Variants in PLA2G4F observed in about 807,000 individuals in gnomAD.
PLA2G4F encodes the protein cytosolic phospholipase A2 zeta.
A neutral mutation model predicts 103.1 loss-of-function variants in PLA2G4F; 105 were observed. The ratio of observed to expected loss-of-function variants is 1.02; its 90% confidence interval spans 0.87 to 1.20. PLA2G4F has a LOEUF of 1.20. Ranked by LOEUF, PLA2G4F falls within the 50% of genes most tolerant of loss-of-function variation. The pLI is 0.00. For synonymous variants in PLA2G4F, 468 were observed against 441.1 expected, an observed-to-expected ratio of 1.06 and a Z score of -0.76; for missense variants, 1,155 against 1,075.9, an observed-to-expected ratio of 1.07 and a Z score of -1.03.
rs1165711998 is a variant in PLA2G4F at position 42,147,771 on chromosome 15, A to G, written c.1060-9T>C. ...ACAGCCACTACAGGCACCTGGGTAC[A>G]ATAATAACAAGGATAACGACTCCGA... On this transcript the variant is annotated splice_polypyrimidine_tract_variant and intron_variant, in intron 11 of 19. Transcript: ENST00000397272. 2 of 1,613,530 alleles carry G rather than the reference A, an allele frequency of 1.2e-6. No individual in the cohort carries two copies. Among genetic ancestry groups the G allele is most frequent in the Non-Finnish European group, 1.7e-6 (2 of 1,179,682 alleles).
chr15:42,147,318 C>T lies in PLA2G4F; in HGVS notation c.1225G>A (p.Ala409Thr), dbSNP rs777582760. Reference protein sequence around the residue: ...WCISTLYRDPAWSQVALQGPI... With the variant: ...WCISTLYRDPTWSQVALQGPI... Reference sequence around the variant, plus strand: ...CCCTGCAAGGCCACCTGGGACCAGGCTGGGTCCCTGTAGAGTGTGGAGATG... The same window carrying T: ...CCCTGCAAGGCCACCTGGGACCAGGTTGGGTCCCTGTAGAGTGTGGAGATG... The change falls in exon 13 of 20, where the codon GCC becomes ACC. Residue 409 changes from alanine (A) to threonine (T), a missense_variant. Physicochemically the swap from Ala to Thr is moderately conservative, Grantham distance 58. Coordinates refer to ENST00000397272, the MANE Select transcript of PLA2G4F (RefSeq NM_213600.4). The T allele has an allele frequency of 2.5e-6, 4 of 1,608,900 alleles. No homozygotes were observed. The highest frequency in any genetic ancestry group is 1.3e-5 in the African/African-American group (1 of 74,834).
chr15:42,147,570 A>T (rs2048906678), intron 12 of PLA2G4F, 56 bp downstream of exon 12: 2 of 1,580,588 alleles, frequency 1.3e-6, no homozygotes, highest in Admixed American at 3.4e-5. Flanking sequence ...ACCAGGTCAC[A>T]ACCCCACACT....
intron 7 of PLA2G4F, chr15:42,151,035 G>A (rs2048956090): frequency 1.0e-6 from 1 of 985,334 alleles, no homozygotes; most frequent in Admixed American, 6.1e-5. Flanking sequence ...GGAAGGCAGG[G>A]AGCGGGGAGG....
At chr15:42,149,411 C>A (rs987348419) in intron 11 of PLA2G4F, 2 of 868,454 alleles carry the variant, frequency 2.3e-6, no homozygotes, top group African/African-American at 1.9e-5. Flanking sequence ...CAGAAACCAA[C>A]CCTGATGATG....
chr15:42,149,223 C>T (rs2048926865), intron 11 of PLA2G4F: 33 of 935,976 alleles, frequency 3.5e-5, no homozygotes, highest in Non-Finnish European at 4.1e-5. Flanking sequence ...GGAAACAGGG[C>T]CTACAAGGAG....
intron 1 of PLA2G4F, 80 bp from the exon 2 acceptor site, chr15:42,155,669 T>C: frequency 2.1e-6 from 3 of 1,424,112 alleles, no homozygotes; most frequent in Non-Finnish European, 3.0e-6. Flanking sequence ...CGTCCCATCA[T>C]GGAGCAGCAA....
intron 13 of PLA2G4F, chr15:42,146,688 TGCAGCTGGGTCTGAAGTTCCAGGA>T (rs1566878944): frequency 9.1e-6 from 2 of 219,096 alleles, no homozygotes; most frequent in Admixed American, 5.2e-5. Flanking sequence ...CGCCTGGAAC[TGCAGCTGGGTCTGAAGTTCCAGGA>T]GCAGCCAGGC....
chr15:42,156,324 C>G (rs1465599989), intron 1 of PLA2G4F, 115 bp downstream of exon 1: 17 of 729,010 alleles, frequency 2.3e-5, no homozygotes, highest in African/African-American at 3.7e-5. Context: ...CTAGAATAAA[C>G]AGGTCCCACC....
rs1379695996 is a variant in PLA2G4F at position 42,141,618 on chromosome 15, C to G, written c.*366G>C. Reference sequence around the variant, plus strand: ...GCTGGCTTCTCAGTGCCCTCAGCCCCTGTTCTGTGTGGGTCTGAGGACTTG... The same window carrying G: ...GCTGGCTTCTCAGTGCCCTCAGCCCGTGTTCTGTGTGGGTCTGAGGACTTG... On this transcript the variant is annotated 3_prime_UTR_variant, in exon 20 of 20. Coordinates refer to ENST00000397272, the MANE Select transcript of PLA2G4F (RefSeq NM_213600.4). The G allele has an allele frequency of 2.1e-6, 1 of 478,080 alleles. No homozygotes were observed. Among genetic ancestry groups the G allele is most frequent in the East Asian group, 6.4e-5 (1 of 15,668 alleles). The allele number at this position is 478,080 out of a possible 1,614,324, so 29.6% of individuals were successfully genotyped here.
In PLA2G4F at chr15:42,147,765, G is replaced by A; in HGVS notation, c.1060-3C>T. The A allele has an allele frequency of 1.2e-6, 2 of 1,613,726 alleles. No individual in the cohort carries two copies. Among genetic ancestry groups the A allele is most frequent in the Non-Finnish European group, 1.7e-6 (2 of 1,179,832 alleles). ...CCCAACACAGCCACTACAGGCACCTGGGTACAATAATAACAAGGATAACGA... is the reference window on the plus strand; with the variant it reads ...CCCAACACAGCCACTACAGGCACCTAGGTACAATAATAACAAGGATAACGA... On this transcript the variant is annotated splice_region_variant and splice_polypyrimidine_tract_variant and intron_variant, in intron 11 of 19. Coordinates refer to ENST00000397272, the MANE Select transcript of PLA2G4F (RefSeq NM_213600.4).
Position 42,150,078 on chromosome 15 carries a change from G to A in PLA2G4F, c.923+26C>T, listed in dbSNP as rs542737377. The A allele has an allele frequency of 5.0e-6, 8 of 1,614,068 alleles. No homozygotes were observed. In the Admixed American group the frequency reaches 6.7e-5, roughly 13 times the overall value. Reference sequence around the variant, plus strand: ...CCGCACTTCTAGCCCAGCCCCAAGAGGCCTTCTGCCTGGAGTCCCACTCAC... The same window carrying A: ...CCGCACTTCTAGCCCAGCCCCAAGAAGCCTTCTGCCTGGAGTCCCACTCAC... On this transcript the variant is annotated intron_variant, in intron 10 of 19. Coordinates refer to ENST00000397272, the MANE Select transcript of PLA2G4F (RefSeq NM_213600.4).
intron 7 of PLA2G4F, 131 bp from the exon 8 acceptor site, chr15:42,150,908 GCT>G (rs1315711069): frequency 6.8e-7 from 1 of 1,468,960 alleles, no homozygotes; most frequent in South Asian, 1.4e-5. Flanking sequence ...CTTATCGCCC[GCT>G]CTCTCTTGAG....
At position 42,142,510 on chromosome 15, in the gene PLA2G4F, G is replaced by A. The variant is rs570128899; in HGVS notation, c.2329+18C>T. On this transcript the variant is annotated intron_variant, in intron 19 of 19. Coordinates refer to ENST00000397272, the MANE Select transcript of PLA2G4F (RefSeq NM_213600.4). ...CCAGGGCTCTGTGGGTCAGTCCCAG[G>A]CCTGGAGCTTCCCTTACCTGGGGCC... is the stretch of plus-strand genomic sequence containing the variant. 10 of 1,606,746 alleles carry A rather than the reference G, an allele frequency of 6.2e-6. No homozygotes were observed. Among genetic ancestry groups the A allele is most frequent in the East Asian group, 2.2e-5 (1 of 44,786 alleles).
rs138996971 is a variant in PLA2G4F at position 42,142,554 on chromosome 15, C to T, written c.2303G>A (p.Arg768His). The change falls in exon 19 of 20, where the codon CGT becomes CAT. Residue 768 changes from arginine (R) to histidine (H), a missense_variant. Physicochemically the swap from Arg to His is conservative, Grantham distance 29 (BLOSUM62 0). Around this residue, in one of 3 missense-constraint regions of PLA2G4F, gnomAD observed 782 missense variants for 692.9 expected, o/e 1.13. Transcript: ENST00000397272. ...PIVLHFPLVN[R>H]TFRTHLAPGV... ...TGGGGCCAGGTGTGTGCGGAAGGTA[C>T]GGTTAACCAGGGGGAAGTGCAGCAC... The T allele has an allele frequency of 6.4e-5, 104 of 1,613,678 alleles. No homozygotes were observed. The highest frequency in any genetic ancestry group is 3.3e-4 in the Middle Eastern group (2 of 6,072).
In PLA2G4F at chr15:42,150,699, G is replaced by A; in HGVS notation, c.680C>T (p.Pro227Leu). 6.2e-7 allele frequency: 1 copy of A among 1,613,610 alleles called. No individual in the cohort carries two copies. The highest frequency in any genetic ancestry group is 8.5e-7 in the Non-Finnish European group (1 of 1,179,876). Residue 227 changes from proline to leucine, a missense_variant, in exon 8 of 20, where the codon CCA (proline) becomes CTA (leucine). Physicochemically the swap from Pro to Leu is moderately conservative, Grantham distance 98. Coordinates refer to ENST00000397272, the MANE Select transcript of PLA2G4F (RefSeq NM_213600.4). ...QLLPLQPPTE[P>L]GLPPTFTFHV... ...GAAGGTAAAGGTGGGTGGGAGGCCTGGCTCTGTGGGAGGCTGCAGGGGCAA... is the reference window on the plus strand; with the variant it reads ...GAAGGTAAAGGTGGGTGGGAGGCCTAGCTCTGTGGGAGGCTGCAGGGGCAA...
At chr15:42,148,591 G>C (rs920213933) in intron 11 of PLA2G4F, 2 of 961,024 alleles carry the variant, frequency 2.1e-6, no homozygotes, top group Non-Finnish European at 1.2e-6. Flanking sequence ...CCAGGGGTGC[G>C]GTGGGGAGGA....
intron 2 of PLA2G4F, among the ~76,000 whole-genome samples, chr15:42,155,134 CAT>C (rs1202094372): frequency 6.6e-6 from 1 of 151,990 alleles, no homozygotes; most frequent in African/African-American, 2.4e-5. Flanking sequence ...CTCGCACTCA[CAT>C]ATATACACTT....
rs558439236 is a variant in PLA2G4F, at chr15:42,144,759, T to C, written c.1781-115A>G. On this transcript the variant is annotated intron_variant, in intron 16 of 19. Coordinates refer to ENST00000397272, the MANE Select transcript of PLA2G4F (RefSeq NM_213600.4). ...CAGTGAGCCCTCCCCACATCCCTCC[T>C]CCTCCCTGACCCCACCTCCCAAGCC... The C allele has an allele frequency of 5.9e-4, 657 of 1,105,702 alleles. 1 individual carries two copies. In the African/African-American group the frequency reaches 9.4e-3, roughly 16 times the overall value. 68.5% of individuals were successfully genotyped at this position (1,105,702 alleles called of 1,614,324 possible).
rs1221491313 is a variant in PLA2G4F at position 42,139,623 on chromosome 15, A to C, written c.*2361T>G. ...GATAAGGGTTGGGAATGAGGTAAAG[A>C]CTCAGATCTCTCCTGAGGAGCAGAC... On this transcript the variant is annotated 3_prime_UTR_variant, in exon 20 of 20. Transcript: ENST00000397272. The C allele has an allele frequency of 6.6e-6, 1 of 152,092 alleles. No homozygotes were observed. The highest frequency in any genetic ancestry group is 6.5e-5 in the Admixed American group (1 of 15,278). The allele number at this position is 152,092 out of a possible 1,614,324, so 9.4% of individuals were successfully genotyped here.
Sources: gnomAD v4.1 joint callset for allele counts (sites outside exome capture counted in the v4.1 genomes callset) on GRCh38, gnomAD v4.1.1 for gene constraint, gnomAD v4.1.1 regional missense constraint, MANE v1.5 for transcripts, NCBI Gene and HGNC (gene_info 2026-07-23, HGNC 2026-07-21) for gene names.